Variants in GLI3 observed in about 807,000 individuals in gnomAD.
The protein encoded by GLI3 is transcription activator GLI3.
Under a neutral mutation model 100.8 loss-of-function variants are expected in GLI3, and 20 were observed. The observed-to-expected ratio is 0.20, with a 90% CI of 0.14 to 0.29. The LOEUF is 0.29. GLI3 is among the 10% of genes least tolerant of loss of function. The probability of loss-of-function intolerance (pLI) is 1.00; values close to 1 mark genes in which losing one functional copy is unlikely to be tolerated. For missense variants in GLI3, 2,040 were observed against 2,128.5 expected (o/e 0.96, Z 0.82); for synonymous variants, 938 against 860.5 (o/e 1.09, Z -1.58).
intron 7 of GLI3, among the ~76,000 whole-genome samples, chr7:42,032,628 G>T (rs1789324801): frequency 6.6e-6 from 1 of 152,158 alleles, no homozygotes; most frequent in East Asian, 1.9e-4. Flanking sequence ...AGGCAGGAGG[G>T]TCAGAGCGCT....
intron 1 of GLI3, among the ~76,000 whole-genome samples, chr7:42,255,114 G>C (rs1789072494): frequency 7.2e-6 from 1 of 138,718 alleles, no homozygotes; most frequent in African/African-American, 2.9e-5. Flanking sequence ...GATTCTTTTA[G>C]TTTGGAACGC....
Position 41,964,986 on chromosome 7 carries a change from A to C in GLI3, c.4087T>G (p.Cys1363Gly). Residue 1363 changes from cysteine (C) to glycine (G), a missense_variant, in exon 15 of 15, where the codon TGC (cysteine) becomes GGC (glycine). This residue lies in a region of GLI3 where 1,041 missense variants were observed against 924.0 expected (regional missense o/e 1.13). Coordinates refer to ENST00000395925, the MANE Select transcript of GLI3 (RefSeq NM_000168.6). ...HINIYQGPES[C>G]LPGAHGMGSQ... ...CCCATGCCGTGAGCCCCTGGCAGGCAGCTCTCTGGCCCTTGGTAGATGTTG... is the reference window on the plus strand; with the variant it reads ...CCCATGCCGTGAGCCCCTGGCAGGCCGCTCTCTGGCCCTTGGTAGATGTTG... The C allele has an allele frequency of 6.2e-7, 1 of 1,613,788 alleles. No homozygotes were observed. The highest frequency in any genetic ancestry group is 8.5e-7 in the Non-Finnish European group (1 of 1,180,042).
At chr7:42,185,088 G>A (rs1438888560) in intron 2 of GLI3, among the ~76,000 whole-genome samples, 2 of 84,420 alleles carry the variant, frequency 2.4e-5, no homozygotes, top group Admixed American at 2.7e-4. Context: ...CATGCAGGCA[G>A]GCAGGCTGAG....
chr7:42,111,466 A>C (rs1785704859), intron 3 of GLI3, among the ~76,000 whole-genome samples: 1 of 152,200 alleles, frequency 6.6e-6, no homozygotes, highest in African/African-American at 2.4e-5. Flanking sequence ...ACAAGGCAGC[A>C]GTATGAAGGA....
At chr7:41,967,985 A>G (rs1348145377) in intron 13 of GLI3, 62 bp from the exon 14 acceptor site, 20 of 1,237,462 alleles carry the variant, frequency 1.6e-5, no homozygotes, top group Middle Eastern at 2.1e-4. Flanking sequence ...AAGGGAGCCA[A>G]TAATGAGAGC....
At chr7:42,142,396 T>C (rs553010304) in intron 3 of GLI3, among the ~76,000 whole-genome samples, 11 of 152,204 alleles carry the variant, frequency 7.2e-5, no homozygotes, top group Non-Finnish European at 1.2e-4. Context: ...TGATTTTCTC[T>C]AGAAAAATGC....
chr7:41,986,801 G>A (rs1787836385), intron 10 of GLI3, among the ~76,000 whole-genome samples: 2 of 151,660 alleles, frequency 1.3e-5, no homozygotes, highest in Non-Finnish European at 2.9e-5. Context: ...TACTTTAAAT[G>A]GATGAATTAC....
At chr7:41,997,573 G>C (rs543198057) in intron 10 of GLI3, among the ~76,000 whole-genome samples, 1 of 152,194 alleles carries the variant, frequency 6.6e-6, no homozygotes, top group Non-Finnish European at 1.5e-5. Context: ...AAAATAAAGA[G>C]AGAAAGAGCT....
Position 42,223,278 on chromosome 7 carries a change from T to A in GLI3, c.-25A>T. 1 of 1,608,918 alleles carries A rather than the reference T, an allele frequency of 6.2e-7. No homozygotes were observed. Among genetic ancestry groups the A allele is most frequent in the African/African-American group, 1.3e-5 (1 of 74,688 alleles). On this transcript the variant is annotated 5_prime_UTR_variant, in exon 2 of 15. Coordinates refer to ENST00000395925, the MANE Select transcript of GLI3 (RefSeq NM_000168.6). ...TGATGTCTTCTCATTACTTCAGCTC[T>A]CTTCGACCAAAAATGCCCTAAAGAA...
In GLI3 at chr7:42,003,774, T is replaced by C. The variant is rs190305856; in HGVS notation, c.1497+19694A>G. 3.2e-3 allele frequency among the ~76,000 whole-genome samples: 495 copies of C among 152,338 alleles called. 2 individuals are homozygous for C. The highest frequency in any genetic ancestry group is 8.6e-3 in the Admixed American group (132 of 15,302). ...CAGAAATTCCAGGAGCAAATTATTA[T>C]GCTACGTAAGGCACTCAAGAGACGG... On this transcript the variant is annotated intron_variant, in intron 10 of 14. Coordinates refer to ENST00000395925, the MANE Select transcript of GLI3 (RefSeq NM_000168.6).
chr7:41,991,118 T>C (rs139184316), intron 10 of GLI3, among the ~76,000 whole-genome samples: 277 of 152,340 alleles, frequency 1.8e-3, no homozygotes, highest in African/African-American at 6.5e-3. Flanking sequence ...GAATAAGACA[T>C]GTCCATTGGA....
intron 1 of GLI3, among the ~76,000 whole-genome samples, chr7:42,233,061 T>A (rs769293494): frequency 2.6e-5 from 4 of 152,212 alleles, no homozygotes; most frequent in Non-Finnish European, 5.9e-5. Context: ...CATGTAAAGT[T>A]TGCGATCAAA....
intron 10 of GLI3, among the ~76,000 whole-genome samples, chr7:42,014,764 C>A (rs531262718): frequency 3.9e-5 from 6 of 152,252 alleles, no homozygotes; most frequent in Admixed American, 1.3e-4. Flanking sequence ...CACCCTAGAT[C>A]GGACATGCAT....
intron 3 of GLI3, among the ~76,000 whole-genome samples, chr7:42,147,352 G>T (rs1414411759): frequency 6.6e-6 from 1 of 152,150 alleles, no homozygotes; most frequent in Non-Finnish European, 1.5e-5. Context: ...GTGGAAAAGG[G>T]GAAACACAAA....
chr7:42,199,688 C>A (rs1328603324), intron 2 of GLI3, among the ~76,000 whole-genome samples: 1 of 152,186 alleles, frequency 6.6e-6, no homozygotes, highest in Non-Finnish European at 1.5e-5. Context: ...AGGGCAGGAG[C>A]CATGTCCTAT....
intron 2 of GLI3, among the ~76,000 whole-genome samples, chr7:42,155,754 A>T (rs1786987307): frequency 6.6e-6 from 1 of 152,160 alleles, no homozygotes; most frequent in Non-Finnish European, 1.5e-5. Context: ...GAAAATGTAA[A>T]ACCTGAAATG....
chr7:41,964,319 T>C lies in GLI3; in HGVS notation c.*11A>G, dbSNP rs139896177. 2.3e-4 allele frequency: 365 copies of C among 1,613,156 alleles called. 1 individual carries two copies. The East Asian group carries it at 7.3e-3, about 32-fold the overall frequency. Reference sequence around the variant, plus strand: ...TGATTTCCGTTGGTTGCAGTCTTTTTTTCCTAAAGCCTATTGCATAACTGC... The same window carrying C: ...TGATTTCCGTTGGTTGCAGTCTTTTCTTCCTAAAGCCTATTGCATAACTGC... On this transcript the variant is annotated 3_prime_UTR_variant, in exon 15 of 15. Transcript: ENST00000395925.
chr7:42,005,695 G>A (rs879305865), intron 10 of GLI3, among the ~76,000 whole-genome samples: 1 of 152,070 alleles, frequency 6.6e-6, no homozygotes, highest in Admixed American at 6.6e-5. Flanking sequence ...ATTAACCACT[G>A]CCCGACGTGG....
intron 2 of GLI3, among the ~76,000 whole-genome samples, chr7:42,181,614 C>CA (rs1043041473): frequency 2.6e-5 from 4 of 151,794 alleles, no homozygotes; most frequent in African/African-American, 9.7e-5. Context: ...CAACAACAAA[C>CA]AAAAAAACAA....
Sources: allele counts gnomAD v4.1 joint callset (sites outside exome capture counted in the v4.1 genomes callset), GRCh38; gene constraint gnomAD v4.1.1; regional missense constraint gnomAD v4.1.1; transcripts MANE v1.5; gene names NCBI Gene and HGNC (gene_info 2026-07-23, HGNC 2026-07-21).